Variants in PHAX observed in about 807,000 individuals in gnomAD.
PHAX encodes the protein phosphorylated adaptor for RNA export.
In PHAX, 31 loss-of-function variants were observed where a neutral mutation model predicts 41.6. The ratio of observed to expected loss-of-function variants is 0.75; its 90% CI spans 0.56 to 1.01. PHAX has a LOEUF of 1.01. Ranked by LOEUF, PHAX falls within the 50% of genes least tolerant of loss-of-function variation. The pLI is 0.00. For missense variants in PHAX, 453 were observed against 472.9 expected (o/e 0.96, Z 0.39); for synonymous variants, 175 against 164.9 (o/e 1.06, Z -0.47).
rs1458016130 is a variant in PHAX at position 126,625,831 on chromosome 5, G to T, written c.*987G>T. Reference sequence around the variant, plus strand: ...ATCATGTGCCTAAGCCTCCTGAGTAGCTGGGATCACAGGTGTGTACCACCA... The same window carrying T: ...ATCATGTGCCTAAGCCTCCTGAGTATCTGGGATCACAGGTGTGTACCACCA... On this transcript the variant is annotated 3_prime_UTR_variant, in exon 5 of 5. Coordinates refer to ENST00000297540, the MANE Select transcript of PHAX (RefSeq NM_032177.4). The T allele has an allele frequency of 6.6e-6, 1 of 151,898 alleles. No individual in the cohort carries two copies. Among genetic ancestry groups the T allele is most frequent in the African/African-American group, 2.4e-5 (1 of 41,364 alleles). 9.4% of individuals were successfully genotyped at this position (151,898 alleles called of 1,614,324 possible). A position where few individuals can be genotyped will look rare whatever the true frequency, so the allele number is the denominator to read the frequency against.
At position 126,605,280 on chromosome 5, in the gene PHAX, A is replaced by C. The variant is rs145898752; in HGVS notation, c.710+1097A>C. ...GGGCTTAAGCAATCCTCCTGCCTCA[A>C]CTTCCCAGATTGCTGGGATTATAGG... On this transcript the variant is annotated intron_variant, in intron 2 of 4. Coordinates refer to ENST00000297540, the MANE Select transcript of PHAX (RefSeq NM_032177.4). 3.9e-5 allele frequency among the ~76,000 whole-genome samples: 6 copies of C among 152,140 alleles called. No individual in the cohort carries two copies. In the East Asian group the frequency reaches 1.2e-3, roughly 29 times the overall value.
At chr5:126,606,524 A>G (rs756604970) in intron 2 of PHAX, among the ~76,000 whole-genome samples, 90 of 152,306 alleles carry the variant, frequency 5.9e-4, no homozygotes, top group South Asian at 1.0e-3. Context: ...AGCAGGAATC[A>G]ATACATTTTT....
intron 1 of PHAX, among the ~76,000 whole-genome samples, chr5:126,602,558 G>A (rs905163146): frequency 6.6e-6 from 1 of 152,204 alleles, no homozygotes; most frequent in Non-Finnish European, 1.5e-5. Context: ...TAGCGTAGTA[G>A]GAGTTTAACA....
At chr5:126,609,354 G>T (rs1752042700) in intron 3 of PHAX, among the ~76,000 whole-genome samples, 2 of 151,940 alleles carry the variant, frequency 1.3e-5, no homozygotes, top group South Asian at 4.2e-4. Context: ...ACCCAGCTCG[G>T]CCTCCCAAAG....
rs780167472 is a variant in PHAX at position 126,603,548 on chromosome 5, TTG to T, written c.97-18_97-17del. ...GAGTTTATGTGTTTTGTGAAATTGA[TTG>T]TGTTTCTTTTCACTTGCAGAAAGTG... On this transcript the variant is annotated intron_variant, in intron 1 of 4. Transcript: ENST00000297540. 1 of 1,575,348 alleles carries T rather than the reference TTG, an allele frequency of 6.3e-7. No individual in the cohort carries two copies. The highest frequency in any genetic ancestry group is 8.6e-7 in the Non-Finnish European group (1 of 1,159,292).
At chr5:126,609,106 T>C (rs1012302105) in intron 3 of PHAX, among the ~76,000 whole-genome samples, 2 of 137,536 alleles carry the variant, frequency 1.5e-5, no homozygotes, top group Non-Finnish European at 3.1e-5. Flanking sequence ...TTTTTTTTTT[T>C]TTTTTTTTTT....
At chr5:126,615,087 A>G (rs1020980241) in intron 3 of PHAX, among the ~76,000 whole-genome samples, 6 of 151,078 alleles carry the variant, frequency 4.0e-5, no homozygotes, top group African/African-American at 1.2e-4. Context: ...GTCATATACT[A>G]TGCATACTAT....
intron 4 of PHAX, among the ~76,000 whole-genome samples, chr5:126,622,174 G>A (rs1037300010): frequency 2.1e-4 from 32 of 151,432 alleles, no homozygotes; most frequent in African/African-American, 7.5e-4. Context: ...TTGCTCTATC[G>A]CCAGGCTGGA....
chr5:126,610,959 G>A (rs1347201151), intron 3 of PHAX, among the ~76,000 whole-genome samples: 2 of 151,896 alleles, frequency 1.3e-5, no homozygotes, highest in Non-Finnish European at 2.9e-5. Flanking sequence ...TGCCCACCTC[G>A]GTCTCCCAAA....
intron 3 of PHAX, among the ~76,000 whole-genome samples, chr5:126,614,650 ATT>A (rs1412633750): frequency 6.6e-6 from 1 of 151,934 alleles, no homozygotes; most frequent in East Asian, 1.9e-4. Context: ...AGATGACAAA[ATT>A]TTTTTGTCAT....
chr5:126,604,567 CTATTTATT>C (rs1219066175), intron 2 of PHAX, among the ~76,000 whole-genome samples: 1 of 151,720 alleles, frequency 6.6e-6, no homozygotes, highest in Non-Finnish European at 1.5e-5. Flanking sequence ...CTGGCCTAAT[CTATTTATT>C]TATTTATTTA....
rs768515980 is a variant in PHAX at position 126,624,613 on chromosome 5, TAAAA to T, written c.957_960del (p.Lys320LeufsTer14). 4 of 1,602,716 alleles carry T rather than the reference TAAAA, an allele frequency of 2.5e-6. No individual in the cohort carries two copies. Among genetic ancestry groups the T allele is most frequent in the Admixed American group, 3.5e-5 (2 of 57,136 alleles). ...TTGAAAACCAAAAGGAATATGAAAA[TAAAA>T]AAGCTGCTAGGAAGAGGAGAACACA... On this transcript the variant is annotated frameshift_variant, in exon 5 of 5. Coordinates refer to ENST00000297540, the MANE Select transcript of PHAX (RefSeq NM_032177.4). LOFTEE classifies it high-confidence loss of function.
chr5:126,602,296 T>A (rs187870553), intron 1 of PHAX, among the ~76,000 whole-genome samples: 2 of 152,372 alleles, frequency 1.3e-5, no homozygotes, highest in African/African-American at 4.8e-5. Context: ...CCTTGGTAGG[T>A]AGCAACCTCT....
intron 2 of PHAX, among the ~76,000 whole-genome samples, chr5:126,606,754 CA>C (rs1163307161): frequency 1.3e-5 from 2 of 152,038 alleles, no homozygotes; most frequent in Non-Finnish European, 2.9e-5. Context: ...TGGGTTCAAT[CA>C]AATCTCCTGC....
At chr5:126,622,464 T>C (rs1211517866) in intron 4 of PHAX, among the ~76,000 whole-genome samples, 1 of 143,666 alleles carries the variant, frequency 7.0e-6, no homozygotes, top group East Asian at 2.0e-4. Flanking sequence ...TTTTTTTTTT[T>C]TTTTTTTTAG....
At chr5:126,619,027 G>A (rs888340810) in intron 4 of PHAX, among the ~76,000 whole-genome samples, 10 of 151,958 alleles carry the variant, frequency 6.6e-5, no homozygotes, top group African/African-American at 1.9e-4. Context: ...TGACCTCCCT[G>A]GTCTTAGATG....
In PHAX at chr5:126,610,610, T is replaced by C. The variant is rs1342148815; in HGVS notation, c.831+2126T>C. On this transcript the variant is annotated intron_variant, in intron 3 of 4. Coordinates refer to ENST00000297540, the MANE Select transcript of PHAX (RefSeq NM_032177.4). The stretch of plus-strand genomic sequence containing the variant: ...GTTGAACACAGAGTTACAGATTTCA[T>C]CAATATTTTAGTACTGTAGTGATAA... Among the ~76,000 whole-genome samples the C allele has an allele frequency of 2.0e-5, 3 of 152,370 alleles. No individual in the cohort carries two copies. In the East Asian group the frequency reaches 5.8e-4, roughly 29 times the overall value.
intron 1 of PHAX, among the ~76,000 whole-genome samples, chr5:126,601,293 G>A (rs1238327740): frequency 1.3e-5 from 2 of 152,086 alleles, no homozygotes; most frequent in African/African-American, 4.8e-5. Context: ...CAGCGGCAGC[G>A]GCTGGCCGTG....
At position 126,603,584 on chromosome 5, in the gene PHAX, C is replaced by A; in HGVS notation, c.111C>A (p.Gly37=). The change falls in exon 2 of 5, where the codon GGC becomes GGA. Residue 37 remains glycine (G), a synonymous_variant. Coordinates refer to ENST00000297540, the MANE Select transcript of PHAX (RefSeq NM_032177.4). The stretch of plus-strand genomic sequence containing the variant: ...TTCACTTGCAGAAAGTGCTAGGTGG[C>A]GACAGTGCTATGAGGGCCTTCCAGA... The part of the protein sequence containing the change: ...RPLQLPKVLG[G]DSAMRAFQNT... The A allele has an allele frequency of 6.2e-7, 1 of 1,607,248 alleles. No homozygotes were observed. Among genetic ancestry groups the A allele is most frequent in the Non-Finnish European group, 8.5e-7 (1 of 1,174,416 alleles).
Sources: allele counts gnomAD v4.1 joint callset (sites outside exome capture counted in the v4.1 genomes callset), GRCh38; gene constraint gnomAD v4.1.1; transcripts MANE v1.5; gene names NCBI Gene and HGNC (gene_info 2026-07-23, HGNC 2026-07-21).